The following HS2ST1 variants were observed in gnomAD, a reference collection of about 807,000 sequenced individuals.
The protein encoded by HS2ST1 is 2-O-sulfotransferase.
In HS2ST1, 18 loss-of-function variants were observed where a neutral mutation model predicts 42.9. The observed-to-expected ratio is 0.42, with a 90% confidence interval of 0.29 to 0.62. The LOEUF is 0.62. Among genes scored for constraint, HS2ST1 ranks in the 20% least tolerant of loss-of-function variants. The pLI, the probability that HS2ST1 is intolerant of heterozygous loss-of-function variation, is 0.21. For missense variants in HS2ST1, 334 were observed against 433.8 expected, an observed-to-expected ratio of 0.77 and a Z score of 2.04; for synonymous variants, 146 against 152.9, an observed-to-expected ratio of 0.95 and a Z score of 0.33.
At chr1:87,033,196 T>C (rs1468752353) in intron 1 of HS2ST1, among the ~76,000 whole-genome samples, 2 of 152,248 alleles carry the variant, frequency 1.3e-5, no homozygotes, top group East Asian at 3.8e-4. Flanking sequence ...CAGAAATTAC[T>C]GACCCATGTC....
At chr1:87,065,487 A>C (rs1051668180) in intron 1 of HS2ST1, among the ~76,000 whole-genome samples, 4 of 152,086 alleles carry the variant, frequency 2.6e-5, no homozygotes, top group African/African-American at 7.2e-5. Flanking sequence ...CTGCATACTT[A>C]CCAGTGTCTT....
intron 1 of HS2ST1, among the ~76,000 whole-genome samples, chr1:86,938,971 C>T (rs1159447877): frequency 6.6e-6 from 1 of 152,112 alleles, no homozygotes; most frequent in South Asian, 2.1e-4. Flanking sequence ...GTCTTTCATT[C>T]TGAATACTAA....
Position 87,103,541 on chromosome 1 carries a change from G to A in HS2ST1, c.796G>A (p.Ala266Thr), listed in dbSNP as rs774740145. ...TGAAGATTTTATCATGTTATTGGAG[G>A]CAGCATTGCCCCGGTTTTTCAGGGG... ...ELEDFIMLLE[A>T]ALPRFFRGAT... Residue 266 changes from alanine to threonine, a missense_variant, in exon 6 of 7, where the codon GCA (alanine) becomes ACA (threonine). By Grantham distance (58) the Ala-to-Thr change is moderately conservative. Transcript: ENST00000370550. The A allele has an allele frequency of 1.2e-5, 19 of 1,612,134 alleles. No homozygotes were observed. The highest frequency in any genetic ancestry group is 1.5e-5 in the Non-Finnish European group (18 of 1,179,100).
intron 1 of HS2ST1, among the ~76,000 whole-genome samples, chr1:86,923,629 C>T (rs1660350798): frequency 2.0e-5 from 3 of 152,144 alleles, no homozygotes; most frequent in African/African-American, 4.8e-5. Context: ...ATCTCCTGAC[C>T]TCATGATCCA....
chr1:86,998,665 T>C (rs1369771478), intron 1 of HS2ST1, among the ~76,000 whole-genome samples: 2 of 152,234 alleles, frequency 1.3e-5, no homozygotes, highest in Non-Finnish European at 2.9e-5. Flanking sequence ...ACATTTAATA[T>C]GGCTTTCTGA....
chr1:86,999,358 A>T (rs1005149881), intron 1 of HS2ST1, among the ~76,000 whole-genome samples: 1 of 151,946 alleles, frequency 6.6e-6, no homozygotes, highest in Non-Finnish European at 1.5e-5. Context: ...TTGTATTTTC[A>T]GTAGAGGCAG....
At chr1:87,029,993 T>A (rs1241473135) in intron 1 of HS2ST1, among the ~76,000 whole-genome samples, 1 of 152,188 alleles carries the variant, frequency 6.6e-6, no homozygotes, top group African/African-American at 2.4e-5. Context: ...GTATACAGTT[T>A]TCCTTTCAAA....
At chr1:86,965,354 C>T (rs1222030661) in intron 1 of HS2ST1, among the ~76,000 whole-genome samples, 2 of 151,988 alleles carry the variant, frequency 1.3e-5, no homozygotes, top group East Asian at 1.9e-4. Context: ...GTGGGCTTTT[C>T]CCCCCTCTGC....
intron 1 of HS2ST1, among the ~76,000 whole-genome samples, chr1:86,981,721 G>T (rs552229997): frequency 6.6e-6 from 1 of 152,240 alleles, no homozygotes; most frequent in Admixed American, 6.5e-5. Flanking sequence ...GCTCTGCAGG[G>T]TATAGCCCTT....
At chr1:86,925,112 C>T (rs556677778) in intron 1 of HS2ST1, among the ~76,000 whole-genome samples, 8 of 152,222 alleles carry the variant, frequency 5.3e-5, no homozygotes, top group Admixed American at 4.6e-4. Context: ...TTCCACAGAT[C>T]TCTAGGGCAG....
At chr1:86,945,934 G>A (rs1055972267) in intron 1 of HS2ST1, among the ~76,000 whole-genome samples, 1 of 152,062 alleles carries the variant, frequency 6.6e-6, no homozygotes, top group Non-Finnish European at 1.5e-5. Flanking sequence ...ACCTTTATCC[G>A]AGGCTCTTTA....
intron 1 of HS2ST1, chr1:87,045,413 A>G: frequency 1.4e-6 from 2 of 1,454,684 alleles, no homozygotes; most frequent in South Asian, 1.1e-5. Flanking sequence ...TTCAATTTGG[A>G]CATCTGGTGC....
At chr1:87,002,037 C>T (rs760308897) in intron 1 of HS2ST1, among the ~76,000 whole-genome samples, 52 of 152,014 alleles carry the variant, frequency 3.4e-4, no homozygotes, top group African/African-American at 2.4e-4. Flanking sequence ...CTCAGCCACC[C>T]GAGTAGCTGG....
At position 86,914,949 on chromosome 1, in the gene HS2ST1, T is replaced by A. The variant is rs1223335931; in HGVS notation, c.-88T>A. On this transcript the variant is annotated 5_prime_UTR_variant, in exon 1 of 7. Coordinates refer to ENST00000370550, the MANE Select transcript of HS2ST1 (RefSeq NM_012262.4). The stretch of plus-strand genomic sequence containing the variant: ...GCTCTCTCTTTGCCTCGCTCCCGGC[T>A]CGGCGGGCTCCTCCCGGCGTCTCTC... 1.3e-6 allele frequency: 2 copies of A among 1,534,284 alleles called. No homozygotes were observed. The highest frequency in any genetic ancestry group is 1.4e-5 in the African/African-American group (1 of 72,870).
At chr1:87,051,022 A>T (rs1422289831) in intron 1 of HS2ST1, among the ~76,000 whole-genome samples, 1 of 152,088 alleles carries the variant, frequency 6.6e-6, no homozygotes, top group Admixed American at 6.5e-5. Flanking sequence ...CTTCCTTTTA[A>T]TATTTCTTAG....
intron 5 of HS2ST1, 119 bp downstream of exon 5, chr1:87,098,054 T>A: frequency 6.7e-7 from 1 of 1,487,482 alleles, no homozygotes; most frequent in African/African-American, 1.4e-5. Flanking sequence ...AAAAATAACA[T>A]GTAATTCAGT....
intron 3 of HS2ST1, among the ~76,000 whole-genome samples, chr1:87,085,203 T>A (rs547584410): frequency 1.4e-4 from 22 of 151,794 alleles, no homozygotes; most frequent in South Asian, 1.3e-3. Flanking sequence ...ACTAAAAAAA[T>A]TTTTTTTATT....
chr1:86,949,609 G>A (rs1028805123), intron 1 of HS2ST1, among the ~76,000 whole-genome samples: 15 of 152,176 alleles, frequency 9.9e-5, no homozygotes, highest in Non-Finnish European at 8.8e-5. Context: ...TACCCTGTCC[G>A]ATACAGTAGC....
At chr1:86,950,161 G>A (rs750416269) in intron 1 of HS2ST1, among the ~76,000 whole-genome samples, 8 of 152,326 alleles carry the variant, frequency 5.3e-5, no homozygotes, top group African/African-American at 1.9e-4. Context: ...ACAAACTGAC[G>A]TTACGTATTC....
Sources: allele counts gnomAD v4.1 joint callset (sites outside exome capture counted in the v4.1 genomes callset), GRCh38; gene constraint gnomAD v4.1.1; transcripts MANE v1.5; gene names NCBI Gene and HGNC (gene_info 2026-07-23, HGNC 2026-07-21).